PSD3: variants seen among roughly 807,000 people sequenced by gnomAD.
PSD3 encodes pleckstrin and Sec7 domain containing 3, also known as PH and SEC7 domain-containing protein 3.
In PSD3, 49 loss-of-function variants were observed where a neutral mutation model predicts 105.5. The ratio of observed to expected loss-of-function variants is 0.46; its 90% confidence interval spans 0.37 to 0.59. The LOEUF (loss-of-function observed/expected upper bound fraction) is 0.59. Ranked by LOEUF, PSD3 falls within the 20% of genes least tolerant of loss-of-function variation. PSD3 has a pLI of 0.00. For synonymous variants in PSD3, 557 were observed against 457.8 expected (o/e 1.22, Z -2.77); for missense variants, 1,561 against 1,263.8 (o/e 1.24, Z -3.57).
intron 2 of PSD3, among the ~76,000 whole-genome samples, chr8:18,905,333 CTTT>C (rs1819770852): frequency 6.6e-6 from 1 of 152,116 alleles, no homozygotes; most frequent in Non-Finnish European, 1.5e-5. Context: ...TCCTTTTCTT[CTTT>C]TGTTTGAGAC....
intron 1 of PSD3, among the ~76,000 whole-genome samples, chr8:19,071,837 G>T (rs565022318): frequency 6.6e-6 from 1 of 152,018 alleles, no homozygotes; most frequent in Non-Finnish European, 1.5e-5. Flanking sequence ...ACCCTCCCGA[G>T]TATCTGGGAT....
At chr8:18,657,374 C>A (rs1359624631) in intron 9 of PSD3, among the ~76,000 whole-genome samples, 4 of 152,190 alleles carry the variant, frequency 2.6e-5, no homozygotes, top group African/African-American at 7.2e-5. Flanking sequence ...AGTATCTTGA[C>A]AAACTTCATG....
At chr8:18,873,958 G>T (rs1817559332) in intron 2 of PSD3, among the ~76,000 whole-genome samples, 1 of 152,044 alleles carries the variant, frequency 6.6e-6, no homozygotes, top group South Asian at 2.1e-4. Flanking sequence ...CTGAAAATGG[G>T]GACATTCTGA....
chr8:18,792,426 G>C (rs1284020427), intron 8 of PSD3, among the ~76,000 whole-genome samples: 18 of 152,172 alleles, frequency 1.2e-4, no homozygotes, highest in Admixed American at 1.2e-3. Flanking sequence ...CAGGGATGGA[G>C]CCAGAGGTCA....
chr8:18,913,246 C>G (rs978133983), intron 2 of PSD3, among the ~76,000 whole-genome samples: 1 of 152,146 alleles, frequency 6.6e-6, no homozygotes, highest in Non-Finnish European at 1.5e-5. Flanking sequence ...AAAATCCTCT[C>G]TCTCGTTTTC....
intron 1 of PSD3, among the ~76,000 whole-genome samples, chr8:19,020,870 A>C (rs1363159360): frequency 6.6e-6 from 1 of 152,220 alleles, no homozygotes; most frequent in Non-Finnish European, 1.5e-5. Flanking sequence ...AGACTGTGGA[A>C]GTAACAAGAT....
chr8:18,847,729 CAA>C (rs1482054853), intron 4 of PSD3, among the ~76,000 whole-genome samples: 1 of 152,140 alleles, frequency 6.6e-6, no homozygotes, highest in Non-Finnish European at 1.5e-5. Context: ...GGGCCAGAGC[CAA>C]AGTCTCCTGA....
rs544599544 is a variant in PSD3, at chr8:18,606,873, A to G, written c.2411-6439T>C. Reference sequence around the variant, plus strand: ...CCTATACGTTCTATGTGTTCCAAACAATCTTTTCAGGTAGGTATTATTGTC... The same window carrying G: ...CCTATACGTTCTATGTGTTCCAAACGATCTTTTCAGGTAGGTATTATTGTC... On this transcript the variant is annotated intron_variant, in intron 11 of 15. Coordinates refer to ENST00000327040, the MANE Select transcript of PSD3 (RefSeq NM_015310.4). 2.0e-5 allele frequency among the ~76,000 whole-genome samples: 3 copies of G among 152,332 alleles called. No individual in the cohort carries two copies. In the East Asian group the frequency reaches 5.8e-4, roughly 29 times the overall value.
At chr8:18,940,906 C>A (rs1822496406) in intron 1 of PSD3, among the ~76,000 whole-genome samples, 1 of 152,158 alleles carries the variant, frequency 6.6e-6, no homozygotes, top group Admixed American at 6.5e-5. Context: ...GACCTGTCTG[C>A]CTTCTCCTTT....
rs1413629539 is a variant in PSD3 at position 18,991,355 on chromosome 8, C to CACACACACACACACAT, written c.21+22207_21+22208insATGTGTGTGTGTGTGT. 9.6e-3 allele frequency among the ~76,000 whole-genome samples: 658 copies of CACACACACACACACAT among 68,276 alleles called. 6 individuals are homozygous for CACACACACACACACAT. The highest frequency in any genetic ancestry group is 0.042 in the African/African-American group (640 of 15,384). 44.8% of individuals were successfully genotyped at this position (68,276 alleles called of 152,430 possible). A position where few individuals can be genotyped will look rare whatever the true frequency, so the allele number is the denominator to read the frequency against. ...AACAGAAAACACACACACACACATA[C>CACACACACACACACAT]ACACACACACACACACATACACACA... On this transcript the variant is annotated intron_variant, in intron 1 of 15. Coordinates refer to ENST00000327040, the MANE Select transcript of PSD3 (RefSeq NM_015310.4).
intron 1 of PSD3, among the ~76,000 whole-genome samples, chr8:19,021,572 A>AC (rs1827364269): frequency 6.6e-6 from 1 of 150,556 alleles, no homozygotes; most frequent in African/African-American, 2.4e-5. Context: ...AAAAAAAAAA[A>AC]CCCATAGCTT....
intron 1 of PSD3, among the ~76,000 whole-genome samples, chr8:18,938,768 G>A (rs1822327478): frequency 6.6e-6 from 1 of 152,230 alleles, no homozygotes; most frequent in East Asian, 1.9e-4. Flanking sequence ...TATGAGGTGG[G>A]GGCTACTGTC....
At chr8:18,799,442 C>A (rs537384237) in intron 7 of PSD3, 89 bp from the exon 8 acceptor site, 3 of 1,036,786 alleles carry the variant, frequency 2.9e-6, no homozygotes, top group Admixed American at 1.8e-5. Context: ...CACTCAGAAC[C>A]TATGAAAACA....
chr8:18,572,261 C>A (rs957117631), intron 14 of PSD3, among the ~76,000 whole-genome samples: 2 of 152,194 alleles, frequency 1.3e-5, no homozygotes, highest in African/African-American at 4.8e-5. Context: ...AACAAAACAT[C>A]AAGTATTGCT....
chr8:18,720,813 A>G (rs1234492731), intron 9 of PSD3: 1 of 152,176 alleles, frequency 6.6e-6, no homozygotes, highest in Non-Finnish European at 1.5e-5. Flanking sequence ...GGAAAATAAA[A>G]TGAGGTTAAA....
At chr8:18,987,734 A>C (rs1272700479) in intron 1 of PSD3, among the ~76,000 whole-genome samples, 2 of 152,046 alleles carry the variant, frequency 1.3e-5, no homozygotes, top group Non-Finnish European at 2.9e-5. Context: ...TGAGAGAATC[A>C]CCTGAGCCCA....
At chr8:18,880,286 C>T (rs911162655) in intron 2 of PSD3, among the ~76,000 whole-genome samples, 1 of 152,036 alleles carries the variant, frequency 6.6e-6, no homozygotes, top group Non-Finnish European at 1.5e-5. Flanking sequence ...TATTAAATGC[C>T]CATTGTTTCC....
At chr8:18,852,847 CT>C (rs1284031185) in intron 4 of PSD3, among the ~76,000 whole-genome samples, 1 of 152,182 alleles carries the variant, frequency 6.6e-6, no homozygotes, top group Non-Finnish European at 1.5e-5. Context: ...TTAATGTTTA[CT>C]GAGCTCTTTT....
intron 9 of PSD3, among the ~76,000 whole-genome samples, chr8:18,735,868 G>C (rs1804111265): frequency 6.6e-6 from 1 of 152,040 alleles, no homozygotes; most frequent in Non-Finnish European, 1.5e-5. Flanking sequence ...GTAAAATTAA[G>C]TTTTAGGAAA....
Sources: allele counts gnomAD v4.1 joint callset (sites outside exome capture counted in the v4.1 genomes callset), GRCh38; gene constraint gnomAD v4.1.1; transcripts MANE v1.5; gene names NCBI Gene and HGNC (gene_info 2026-07-23, HGNC 2026-07-21).